The following CRTC1 variants were observed in gnomAD, a reference collection of about 807,000 sequenced individuals.
CRTC1 encodes the protein CREB regulated transcription coactivator 1, also known as CREB-regulated transcription coactivator 1.
Under a neutral mutation model 66.1 loss-of-function variants are expected in CRTC1, and 18 were observed. The observed-to-expected ratio is 0.27, with a 90% CI of 0.19 to 0.40. The LOEUF (loss-of-function observed/expected upper bound fraction) is 0.40. Ranked by LOEUF, CRTC1 falls within the 10% of genes least tolerant of loss-of-function variation. The pLI is 1.00. For synonymous variants in CRTC1, 416 were observed against 398.8 expected, an observed-to-expected ratio of 1.04 and a Z score of -0.51; for missense variants, 669 against 887.9, an observed-to-expected ratio of 0.75 and a Z score of 3.13.
chr19:18,750,009 G>T (rs1463005718), intron 5 of CRTC1, 134 bp downstream of exon 5: 6 of 723,282 alleles, frequency 8.3e-6, no homozygotes, highest in Admixed American at 2.3e-5. Flanking sequence ...GAGGGATCGG[G>T]GGAGGGGATC....
intron 1 of CRTC1, among the ~76,000 whole-genome samples, chr19:18,737,583 A>G (rs536671478): frequency 3.3e-5 from 5 of 152,244 alleles, no homozygotes; most frequent in Admixed American, 6.5e-5. Context: ...ACAAAAAGAT[A>G]CGTCCACACT....
chr19:18,748,524 T>C (rs1255026217), intron 4 of CRTC1, among the ~76,000 whole-genome samples: 4 of 147,048 alleles, frequency 2.7e-5, no homozygotes, highest in South Asian at 4.4e-4. Flanking sequence ...CTGGCTGTTA[T>C]ATATATTTTA....
intron 1 of CRTC1, among the ~76,000 whole-genome samples, chr19:18,730,832 CT>C (rs1276859821): frequency 2.0e-5 from 3 of 152,228 alleles, no homozygotes; most frequent in Non-Finnish European, 4.4e-5. Context: ...AGTGGCCCCC[CT>C]GGCTGTCTCC....
At chr19:18,769,589 C>A (rs1324948306) in intron 10 of CRTC1, among the ~76,000 whole-genome samples, 1 of 152,218 alleles carries the variant, frequency 6.6e-6, no homozygotes, top group Non-Finnish European at 1.5e-5. Context: ...CTGCTCTGAC[C>A]TCACGGAGGG....
In CRTC1 at chr19:18,705,092, C is replaced by T. The variant is rs116534344; in HGVS notation, c.126+21264C>T. ...GAGCATAATGTCCTCAAGGTTCGTC[C>T]ACGTTGTAACGTGTCAGAACGTCCT... On this transcript the variant is annotated intron_variant, in intron 1 of 13. Coordinates refer to ENST00000321949, the MANE Select transcript of CRTC1 (RefSeq NM_015321.3). Among the ~76,000 whole-genome samples, 907 of 151,522 alleles carry T rather than the reference C, an allele frequency of 6.0e-3. 19 individuals are homozygous for T. The highest frequency in any genetic ancestry group is 0.021 in the African/African-American group (857 of 40,890).
chr19:18,693,387 T>TA (rs58765850), intron 1 of CRTC1, among the ~76,000 whole-genome samples: 103,715 of 145,796 alleles, frequency 0.71, 37,948 homozygotes, highest in African/African-American at 0.91. Flanking sequence ...AGACACCGTC[T>TA]AAAAAAAAAA....
At chr19:18,749,534 G>A (rs763642413) in intron 4 of CRTC1, among the ~76,000 whole-genome samples, 1 of 152,232 alleles carries the variant, frequency 6.6e-6, no homozygotes, top group South Asian at 2.1e-4. Flanking sequence ...TGTGTCGCTG[G>A]GACCACAGGC....
At chr19:18,724,783 T>G (rs2053707005) in intron 1 of CRTC1, among the ~76,000 whole-genome samples, 1 of 70,704 alleles carries the variant, frequency 1.4e-5, no homozygotes, top group African/African-American at 6.0e-5. Flanking sequence ...CTTAATTATG[T>G]CTGAAAAGAC....
intron 1 of CRTC1, among the ~76,000 whole-genome samples, chr19:18,721,314 C>T (rs1401075621): frequency 6.6e-6 from 1 of 151,974 alleles, no homozygotes; most frequent in Non-Finnish European, 1.5e-5. Context: ...CTGCCTCAGC[C>T]TCCCGAGTAG....
intron 1 of CRTC1, among the ~76,000 whole-genome samples, chr19:18,724,991 A>G: frequency 6.6e-6 from 1 of 151,796 alleles, no homozygotes; most frequent in East Asian, 2.0e-4. Flanking sequence ...AGCTTCCCTC[A>G]GCACACTGGC....
intron 1 of CRTC1, among the ~76,000 whole-genome samples, chr19:18,718,297 A>G (rs769864403): frequency 2.6e-5 from 4 of 151,974 alleles, no homozygotes; most frequent in Non-Finnish European, 5.9e-5. Context: ...TCACATGTTC[A>G]GTTTCATCCA....
intron 1 of CRTC1, among the ~76,000 whole-genome samples, chr19:18,698,667 C>T (rs1302227834): frequency 2.6e-5 from 4 of 151,870 alleles, no homozygotes; most frequent in Admixed American, 2.0e-4. Flanking sequence ...TCATCAGGTT[C>T]TCAGCACATG....
At chr19:18,749,934 C>T in intron 5 of CRTC1, 59 bp downstream of exon 5, 1 of 1,375,132 alleles carries the variant, frequency 7.3e-7, no homozygotes, top group South Asian at 1.2e-5. Flanking sequence ...CAGGTAACCC[C>T]TGTTCTCCAG....
intron 7 of CRTC1, 66 bp from the exon 8 acceptor site, chr19:18,759,942 C>T (rs1406585101): frequency 4.7e-6 from 6 of 1,285,344 alleles, no homozygotes; most frequent in Non-Finnish European, 6.5e-6. Flanking sequence ...TCCCGCCAGC[C>T]CCCTGTCCCC....
intron 1 of CRTC1, among the ~76,000 whole-genome samples, chr19:18,722,052 C>T (rs1600842126): frequency 6.6e-6 from 1 of 152,190 alleles, no homozygotes; most frequent in Non-Finnish European, 1.5e-5. Context: ...CGGAGTCTGC[C>T]CTGAGTCACC....
intron 1 of CRTC1, among the ~76,000 whole-genome samples, chr19:18,729,995 AG>A (rs935243606): frequency 6.6e-6 from 1 of 152,070 alleles, no homozygotes; most frequent in Non-Finnish European, 1.5e-5. Context: ...CACCCCACCC[AG>A]GGGCCACTGC....
intron 2 of CRTC1, among the ~76,000 whole-genome samples, chr19:18,745,287 T>C (rs1309067858): frequency 6.6e-6 from 1 of 152,070 alleles, no homozygotes; most frequent in African/African-American, 2.4e-5. Flanking sequence ...CGCGTCTCAA[T>C]CAAGAGCAGC....
At chr19:18,762,012 A>T (rs1243510916) in intron 8 of CRTC1, among the ~76,000 whole-genome samples, 1 of 152,170 alleles carries the variant, frequency 6.6e-6, no homozygotes, top group African/African-American at 2.4e-5. Flanking sequence ...TTGTCTCCAG[A>T]TAGACAGGGC....
At chr19:18,752,041 A>G (rs926405322) in intron 5 of CRTC1, among the ~76,000 whole-genome samples, 2 of 151,292 alleles carry the variant, frequency 1.3e-5, no homozygotes, top group African/African-American at 2.4e-5. Flanking sequence ...GCACATGCCT[A>G]TAATCTGAGG....
Sources: gnomAD v4.1 joint callset for allele counts (sites outside exome capture counted in the v4.1 genomes callset) on GRCh38, gnomAD v4.1.1 for gene constraint, MANE v1.5 for transcripts, NCBI Gene and HGNC (gene_info 2026-07-23, HGNC 2026-07-21) for gene names.